The following NME7 variants were observed in gnomAD, a reference collection of about 807,000 sequenced individuals.
NME7 encodes the protein NME/NM23 family member 7.
In NME7, 41 loss-of-function variants were observed where a neutral mutation model predicts 49.1. The observed-to-expected ratio is 0.83, with a 90% confidence interval of 0.65 to 1.08. The LOEUF (loss-of-function observed/expected upper bound fraction) is 1.08, where lower values mean the gene tolerates loss of function less well. NME7 is among the 50% of genes least tolerant of loss of function. The pLI is 0.00. For missense variants in NME7, 423 were observed against 463.4 expected, an observed-to-expected ratio of 0.91 and a Z score of 0.80; for synonymous variants, 139 against 150.6, an observed-to-expected ratio of 0.92 and a Z score of 0.56.
At chr1:169,334,316 TCAA>T (rs1179546138) in intron 1 of NME7, among the ~76,000 whole-genome samples, 1 of 152,058 alleles carries the variant, frequency 6.6e-6, no homozygotes, top group Admixed American at 6.6e-5. Context: ...ATAATAGAAA[TCAA>T]CAGCATGAGT....
intron 7 of NME7, among the ~76,000 whole-genome samples, chr1:169,241,304 C>T (rs1181571379): frequency 1.3e-5 from 2 of 151,836 alleles, no homozygotes; most frequent in Non-Finnish European, 2.9e-5. Context: ...CAGTTTGGTG[C>T]CACTGCCTTG....
intron 10 of NME7, among the ~76,000 whole-genome samples, chr1:169,177,033 C>G (rs996664047): frequency 6.6e-6 from 1 of 152,078 alleles, no homozygotes; most frequent in African/African-American, 2.4e-5. Flanking sequence ...ACACCCTGGA[C>G]CTGAAAGCAA....
intron 11 of NME7, among the ~76,000 whole-genome samples, chr1:169,133,101 T>TAG (rs1658298490): frequency 6.6e-6 from 1 of 151,908 alleles, no homozygotes; most frequent in Non-Finnish European, 1.5e-5. Context: ...AAAAAAAAAG[T>TAG]TGTTAGCACT....
intron 11 of NME7, among the ~76,000 whole-genome samples, chr1:169,148,404 T>C (rs185774918): frequency 1.2e-4 from 19 of 152,288 alleles, no homozygotes; most frequent in Non-Finnish European, 2.5e-4. Flanking sequence ...GTCTTCTGTT[T>C]CCTCTTAAAA....
chr1:169,180,890 G>T (rs1399822718), intron 10 of NME7, among the ~76,000 whole-genome samples: 1 of 152,100 alleles, frequency 6.6e-6, no homozygotes, highest in Non-Finnish European at 1.5e-5. Context: ...TGTTTCAGGT[G>T]CTGGAGAGCT....
intron 10 of NME7, among the ~76,000 whole-genome samples, chr1:169,213,117 T>A (rs999978532): frequency 6.6e-6 from 1 of 152,214 alleles, no homozygotes; most frequent in African/African-American, 2.4e-5. Flanking sequence ...CATTCAGGCA[T>A]GAGTTACAGT....
At chr1:169,309,681 C>T (rs935176424) in intron 4 of NME7, among the ~76,000 whole-genome samples, 6 of 152,090 alleles carry the variant, frequency 3.9e-5, no homozygotes, top group Non-Finnish European at 8.8e-5. Flanking sequence ...ACTCCTGTTT[C>T]TCAATTCCAC....
chr1:169,342,953 GTA>G (rs66848452), intron 1 of NME7, among the ~76,000 whole-genome samples: 14,966 of 40,302 alleles, frequency 0.37, 5,074 homozygotes, highest in East Asian at 0.93. Flanking sequence ...ACTTGTATTA[GTA>G]TATATATATA....
At chr1:169,292,206 T>A (rs1244867354) in intron 6 of NME7, among the ~76,000 whole-genome samples, 1 of 152,122 alleles carries the variant, frequency 6.6e-6, no homozygotes, top group Non-Finnish European at 1.5e-5. Context: ...TAGAGTTAAG[T>A]ATAAAAACTA....
intron 11 of NME7, among the ~76,000 whole-genome samples, chr1:169,150,948 C>T (rs912659678): frequency 6.6e-6 from 1 of 152,148 alleles, no homozygotes; most frequent in African/African-American, 2.4e-5. Flanking sequence ...TTGAAATTTG[C>T]ATATCACATA....
At chr1:169,199,447 TTTTTTATTA>T (rs377127659) in intron 10 of NME7, among the ~76,000 whole-genome samples, 15,473 of 86,080 alleles carry the variant, frequency 0.18, 1,363 homozygotes, top group East Asian at 0.57. Context: ...ACCCAGGGTC[TTTTTTATTA>T]TTATTATTAT....
At chr1:169,344,732 A>G (rs1460917873) in intron 1 of NME7, among the ~76,000 whole-genome samples, 1 of 152,122 alleles carries the variant, frequency 6.6e-6, no homozygotes, top group Non-Finnish European at 1.5e-5. Context: ...TATATAATCC[A>G]TTCTATGTAT....
intron 10 of NME7, among the ~76,000 whole-genome samples, chr1:169,216,030 G>C (rs1660962232): frequency 6.6e-6 from 1 of 152,216 alleles, no homozygotes. Context: ...GGAATCTAAA[G>C]TAGAGCATAC....
intron 7 of NME7, among the ~76,000 whole-genome samples, chr1:169,276,353 T>C (rs1297359021): frequency 7.5e-6 from 1 of 133,416 alleles, no homozygotes; most frequent in African/African-American, 2.5e-5. Flanking sequence ...TGATTATTGC[T>C]ACAATTTCTG....
chr1:169,227,283 T>G (rs543175055), intron 10 of NME7, among the ~76,000 whole-genome samples: 7 of 152,146 alleles, frequency 4.6e-5, no homozygotes, highest in Non-Finnish European at 8.8e-5. Flanking sequence ...CCCCAAAGTG[T>G]TGTTGTTTTA....
intron 2 of NME7, among the ~76,000 whole-genome samples, chr1:169,323,533 G>A (rs1288554245): frequency 6.6e-6 from 1 of 152,088 alleles, no homozygotes. Context: ...AGAAAGATTT[G>A]TTTATTACCA....
intron 10 of NME7, among the ~76,000 whole-genome samples, chr1:169,214,755 T>C (rs1238019155): frequency 6.6e-6 from 1 of 152,220 alleles, no homozygotes; most frequent in Non-Finnish European, 1.5e-5. Context: ...GGTGAGCAAA[T>C]GCAGGAACCA....
chr1:169,237,133 C>A (rs1201113399), intron 8 of NME7, among the ~76,000 whole-genome samples: 1 of 151,940 alleles, frequency 6.6e-6, no homozygotes, highest in Non-Finnish European at 1.5e-5. Context: ...CAAGTGCCAA[C>A]AGAGTTGCTA....
intron 11 of NME7, among the ~76,000 whole-genome samples, chr1:169,151,209 G>T (rs745921): frequency 6.6e-6 from 1 of 151,954 alleles, no homozygotes; most frequent in Non-Finnish European, 1.5e-5. Flanking sequence ...GGCAGAGCTG[G>T]TGCTGTATGA....
Sources: allele counts gnomAD v4.1 joint callset (sites outside exome capture counted in the v4.1 genomes callset), GRCh38; gene constraint gnomAD v4.1.1; transcripts MANE v1.5; gene names NCBI Gene and HGNC (gene_info 2026-07-23, HGNC 2026-07-21).